Variants in CCDC192 observed in about 807,000 individuals in gnomAD.
The protein encoded by CCDC192 is coiled-coil domain containing 192.
In CCDC192 at chr5:127,842,144, C is replaced by T. The variant is rs138210673; in HGVS notation, c.412-33394C>T. ...ATGCATTCCCTGCAGTGCCCCAGGG[C>T]CAGCACTCAGAAGGACCCACACCTG... On this transcript the variant is annotated intron_variant, in intron 5 of 6. Transcript: ENST00000514853. 2.0e-5 allele frequency among the ~76,000 whole-genome samples: 3 copies of T among 152,306 alleles called. No homozygotes were observed. In the East Asian group the frequency reaches 5.8e-4, roughly 29 times the overall value.
chr5:127,769,016 G>A (rs1156740177), intron 3 of CCDC192, among the ~76,000 whole-genome samples: 6 of 152,234 alleles, frequency 3.9e-5, no homozygotes, highest in African/African-American at 1.2e-4. Flanking sequence ...TGTAGCATGA[G>A]CTCTACAAGG....
chr5:127,735,039 TC>T (rs1363311866), intron 2 of CCDC192, among the ~76,000 whole-genome samples: 2 of 134,574 alleles, frequency 1.5e-5, no homozygotes, highest in Non-Finnish European at 3.1e-5. Context: ...TAGGTTTTCT[TC>T]TAGGGTTTTT....
At chr5:127,816,951 T>C (rs10491251) in intron 5 of CCDC192, among the ~76,000 whole-genome samples, 40,983 of 152,166 alleles carry the variant, frequency 0.27, 6,133 homozygotes, top group Middle Eastern at 0.34. Flanking sequence ...GATTGACTTA[T>C]TCCATGCTAT....
chr5:127,850,941 G>A (rs1750769058), intron 5 of CCDC192, among the ~76,000 whole-genome samples: 1 of 152,158 alleles, frequency 6.6e-6, no homozygotes, highest in Non-Finnish European at 1.5e-5. Flanking sequence ...ACTCCAGCCT[G>A]GGCGACAGAG....
At chr5:127,743,659 T>C (rs573529754) in intron 2 of CCDC192, among the ~76,000 whole-genome samples, 42 of 152,320 alleles carry the variant, frequency 2.8e-4, no homozygotes, top group African/African-American at 9.6e-4. Flanking sequence ...TTCACATTTC[T>C]AATTTAAACA....
intron 3 of CCDC192, among the ~76,000 whole-genome samples, chr5:127,768,087 A>G (rs527916736): frequency 6.6e-6 from 1 of 152,124 alleles, no homozygotes; most frequent in East Asian, 1.9e-4. Flanking sequence ...CCCTGTCTCT[A>G]CTAAAAATAC....
Position 127,748,455 on chromosome 5 carries a change from C to G in CCDC192, c.115-5813C>G, listed in dbSNP as rs1165307654. On this transcript the variant is annotated intron_variant, in intron 2 of 6. Coordinates refer to ENST00000514853, the MANE Select transcript of CCDC192 (RefSeq NM_001317938.2). ...TTATTTCTGAGGGCTCTGTTCTGTT[C>G]CATTGATCTATATCTCTGTTTTGGT... is the stretch of plus-strand genomic sequence containing the variant. Among the ~76,000 whole-genome samples, 77 of 67,624 alleles carry G rather than the reference C, an allele frequency of 1.1e-3. 1 individual carries two copies. Among genetic ancestry groups the G allele is most frequent in the Non-Finnish European group, 1.8e-3 (60 of 33,358 alleles). The allele number at this position is 67,624 out of a possible 152,430, so 44.4% of individuals were successfully genotyped here. A position where few individuals can be genotyped will look rare whatever the true frequency, so the allele number is the denominator to read the frequency against.
rs117342490 is a variant in CCDC192, at chr5:127,891,378, T to C, written c.535+15717T>C. On this transcript the variant is annotated intron_variant, in intron 6 of 6. Transcript: ENST00000514853. ...CGAAAATGACCTTACTTATGACTCA[T>C]TGAGAGTACACAAGCCATCCGTGAG... Among the ~76,000 whole-genome samples the C allele has an allele frequency of 8.5e-5, 13 of 152,294 alleles. No homozygotes were observed. The East Asian group carries it at 2.5e-3, about 29-fold the overall frequency.
intron 1 of CCDC192, among the ~76,000 whole-genome samples, chr5:127,705,125 A>T (rs985850426): frequency 6.6e-6 from 1 of 152,188 alleles, no homozygotes; most frequent in African/African-American, 2.4e-5. Context: ...AACTTTATAA[A>T]CATATTTGTT....
At chr5:127,811,129 C>T (rs142995919) in intron 5 of CCDC192, among the ~76,000 whole-genome samples, 9 of 152,292 alleles carry the variant, frequency 5.9e-5, no homozygotes, top group Admixed American at 2.0e-4. Context: ...AAGTGGAGTA[C>T]GCTCTCTGCT....
At chr5:127,752,835 G>C (rs545032239) in intron 2 of CCDC192, among the ~76,000 whole-genome samples, 1 of 152,300 alleles carries the variant, frequency 6.6e-6, no homozygotes, top group African/African-American at 2.4e-5. Flanking sequence ...TTTTAAGCCG[G>C]TTGGAAAAGT....
intron 5 of CCDC192, among the ~76,000 whole-genome samples, chr5:127,810,032 G>C (rs1054746034): frequency 1.3e-5 from 2 of 152,152 alleles, no homozygotes; most frequent in African/African-American, 4.8e-5. Context: ...TCTACAATTT[G>C]AAAGATGTTC....
chr5:127,876,570 T>C (rs556680669), intron 6 of CCDC192, among the ~76,000 whole-genome samples: 1 of 152,290 alleles, frequency 6.6e-6, no homozygotes, highest in East Asian at 1.9e-4. Context: ...CAAACTTCAC[T>C]CCTGCCTGGT....
At chr5:127,763,451 C>T (rs937019378) in intron 3 of CCDC192, among the ~76,000 whole-genome samples, 3 of 152,214 alleles carry the variant, frequency 2.0e-5, no homozygotes, top group African/African-American at 7.2e-5. Context: ...AGGCTACCTT[C>T]TGCAGTGCCT....
intron 5 of CCDC192, among the ~76,000 whole-genome samples, chr5:127,864,950 A>G (rs11738831): frequency 0.041 from 6,306 of 152,286 alleles, 341 homozygotes; most frequent in African/African-American, 0.13. Flanking sequence ...GATTGAGGCC[A>G]TCCTGGCTAA....
chr5:127,713,815 A>AT (rs1561441324), intron 2 of CCDC192, among the ~76,000 whole-genome samples: 1 of 152,212 alleles, frequency 6.6e-6, no homozygotes, highest in Admixed American at 6.5e-5. Context: ...GATAATTAGC[A>AT]TATCTATTAC....
At chr5:127,796,896 T>C (rs1757194369) in intron 3 of CCDC192, among the ~76,000 whole-genome samples, 2 of 152,256 alleles carry the variant, frequency 1.3e-5, no homozygotes, top group East Asian at 3.8e-4. Context: ...ATCTCTTGCT[T>C]AGAAAGATCT....
At chr5:127,766,608 TAAAAAAAAAAAAAA>T (rs548715145) in intron 3 of CCDC192, among the ~76,000 whole-genome samples, 1,019 of 98,982 alleles carry the variant, frequency 0.01, 21 homozygotes, top group African/African-American at 0.037. Flanking sequence ...ACGTCCTGTG[TAAAAAAAAAAAAAA>T]AAAAAAAAAA....
At chr5:127,735,112 T>C (rs1454751785) in intron 2 of CCDC192, among the ~76,000 whole-genome samples, 2 of 129,122 alleles carry the variant, frequency 1.5e-5, no homozygotes, top group African/African-American at 6.3e-5. Context: ...GTATAAGGTG[T>C]AAGGAAGGGA....
Sources: allele counts gnomAD v4.1 joint callset (sites outside exome capture counted in the v4.1 genomes callset), GRCh38; gene constraint gnomAD v4.1.1; transcripts MANE v1.5; gene names NCBI Gene and HGNC (gene_info 2026-07-23, HGNC 2026-07-21).